Variants in NTM observed in about 807,000 individuals in gnomAD.
NTM encodes the protein neurotrimin.
NTM carries 13 observed loss-of-function variants against 42.1 expected under a neutral mutation model. That is an observed-to-expected ratio of 0.31 (90% CI 0.20 to 0.49). NTM has a LOEUF of 0.49. Ranked by LOEUF, NTM falls within the 20% of genes least tolerant of loss-of-function variation. The pLI is 0.99. For missense variants in NTM, 373 were observed against 452.8 expected, an observed-to-expected ratio of 0.82 and a Z score of 1.60; for synonymous variants, 187 against 179.2, an observed-to-expected ratio of 1.04 and a Z score of -0.35.
intron 2 of NTM, among the ~76,000 whole-genome samples, chr11:131,939,295 A>AT (rs1677606839): frequency 1.3e-5 from 2 of 152,298 alleles, no homozygotes; most frequent in South Asian, 4.1e-4. Context: ...ACAGTGACCG[A>AT]TTTTGTGGAA....
At chr11:131,623,758 C>T (rs1373105984) in intron 1 of NTM, among the ~76,000 whole-genome samples, 1 of 152,212 alleles carries the variant, frequency 6.6e-6, no homozygotes, top group Non-Finnish European at 1.5e-5. Context: ...AAGCACACAG[C>T]CCAATTTAAG....
intron 3 of NTM, among the ~76,000 whole-genome samples, chr11:132,208,631 A>G (rs936876752): frequency 6.6e-6 from 1 of 152,138 alleles, no homozygotes; most frequent in Non-Finnish European, 1.5e-5. Context: ...GGGACTGTCC[A>G]TTGTTCTCTA....
intron 4 of NTM, among the ~76,000 whole-genome samples, chr11:132,289,739 A>G (rs139707564): frequency 6.6e-6 from 1 of 152,208 alleles, no homozygotes; most frequent in East Asian, 1.9e-4. Flanking sequence ...AGAGTTTTAG[A>G]TGTCTTTGTG....
intron 7 of NTM, among the ~76,000 whole-genome samples, chr11:132,321,605 C>A (rs1297250219): frequency 2.0e-5 from 3 of 152,150 alleles, no homozygotes; most frequent in Admixed American, 2.0e-4. Flanking sequence ...AAACATTCTG[C>A]AGAATATTAT....
At chr11:132,330,366 A>G (rs2136434390) in intron 8 of NTM, among the ~76,000 whole-genome samples, 181 bp downstream of exon 8, 1 of 152,256 alleles carries the variant, frequency 6.6e-6, no homozygotes, top group East Asian at 1.9e-4. Flanking sequence ...AAGGACATCC[A>G]ATCCTTCCTA....
chr11:131,390,320 C>T (rs769060986), intron 1 of NTM, among the ~76,000 whole-genome samples: 6 of 152,208 alleles, frequency 3.9e-5, no homozygotes, highest in South Asian at 2.1e-4. Flanking sequence ...TCTGCCCCCA[C>T]GACCCGAACA....
intron 1 of NTM, among the ~76,000 whole-genome samples, chr11:131,818,148 T>G (rs372775817): frequency 4.1e-4 from 62 of 152,248 alleles, no homozygotes; most frequent in African/African-American, 1.4e-3. Flanking sequence ...GAACCCACCT[T>G]CACGCTGCAG....
In NTM at chr11:131,934,970, G is replaced by T. The variant is rs76668691; in HGVS notation, c.167+23322G>T. Among the ~76,000 whole-genome samples the T allele has an allele frequency of 2.6e-4, 39 of 152,306 alleles. 1 individual carries two copies. The highest frequency in any genetic ancestry group is 9.4e-4 in the African/African-American group (39 of 41,550). ...AGCCTCTGGGTGACAACAGGACGCT[G>T]CTGCCTGGCCTCTTGGAGACTGGCT... On this transcript the variant is annotated intron_variant, in intron 2 of 8. Transcript: ENST00000683400.
At chr11:132,314,226 C>CATATT (rs1565456428) in intron 6 of NTM, among the ~76,000 whole-genome samples, 3 of 152,170 alleles carry the variant, frequency 2.0e-5, no homozygotes, top group Non-Finnish European at 4.4e-5. Context: ...CTGTGTGAAT[C>CATATT]GTATTGCTCT....
intron 1 of NTM, among the ~76,000 whole-genome samples, chr11:131,512,202 C>T (rs1378762139): frequency 6.6e-6 from 1 of 152,188 alleles, no homozygotes; most frequent in Admixed American, 6.5e-5. Context: ...TTGTTGTGTG[C>T]CAGTGGGTGC....
intron 2 of NTM, among the ~76,000 whole-genome samples, chr11:131,978,125 A>G (rs1172146876): frequency 2.0e-5 from 3 of 152,180 alleles, no homozygotes; most frequent in Admixed American, 6.5e-5. Flanking sequence ...GAGAGCGCAT[A>G]TCATCTATTC....
intron 2 of NTM, among the ~76,000 whole-genome samples, chr11:132,071,208 T>G (rs2057600404): frequency 7.2e-6 from 1 of 139,680 alleles, no homozygotes; most frequent in Non-Finnish European, 1.6e-5. Flanking sequence ...AGTTAACACG[T>G]CACACTGACC....
chr11:131,999,266 G>T (rs1438420343), intron 2 of NTM, among the ~76,000 whole-genome samples: 1 of 152,072 alleles, frequency 6.6e-6, no homozygotes, highest in Non-Finnish European at 1.5e-5. Context: ...TAAAAAGCAC[G>T]TGTGCTTGTG....
chr11:132,068,989 C>A (rs535706780), intron 2 of NTM, among the ~76,000 whole-genome samples: 1 of 152,218 alleles, frequency 6.6e-6, no homozygotes, highest in East Asian at 1.9e-4. Flanking sequence ...ACAGCAATGA[C>A]GAGATTAGTA....
intron 1 of NTM, among the ~76,000 whole-genome samples, chr11:131,416,661 G>T (rs930422891): frequency 1.3e-5 from 2 of 152,224 alleles, no homozygotes; most frequent in African/African-American, 4.8e-5. Context: ...AACATCTTGG[G>T]TGAGGCAAAG....
chr11:131,677,811 G>A (rs542596680), intron 1 of NTM, among the ~76,000 whole-genome samples: 1 of 152,344 alleles, frequency 6.6e-6, no homozygotes, highest in African/African-American at 2.4e-5. Context: ...GCGCCCTGCA[G>A]AGGCCTGGCA....
intron 1 of NTM, among the ~76,000 whole-genome samples, chr11:131,637,132 G>A (rs530291839): frequency 6.6e-6 from 1 of 152,086 alleles, no homozygotes; most frequent in South Asian, 2.1e-4. Flanking sequence ...TCCATTTCCC[G>A]GTCAGCTCCA....
chr11:131,874,046 T>TATAATAATATAATATA (rs2048236873), intron 1 of NTM, among the ~76,000 whole-genome samples: 4 of 39,702 alleles, frequency 1.0e-4, no homozygotes, highest in South Asian at 5.2e-4. Context: ...TATATATATA[T>TATAATAATATAATATA]ATATATATAT....
chr11:132,307,935 T>C (rs2095150447), intron 5 of NTM, 112 bp downstream of exon 5: 1 of 984,684 alleles, frequency 1.0e-6, no homozygotes, highest in African/African-American at 1.6e-5. Context: ...GTGGGAAGAA[T>C]GCAGCACCAC....
Sources: gnomAD v4.1 joint callset for allele counts (sites outside exome capture counted in the v4.1 genomes callset) on GRCh38, gnomAD v4.1.1 for gene constraint, MANE v1.5 for transcripts, NCBI Gene and HGNC (gene_info 2026-07-23, HGNC 2026-07-21) for gene names.